The following REPS2 variants were observed in gnomAD, a reference collection of about 807,000 sequenced individuals.
REPS2 encodes RALBP1 associated Eps domain containing 2.
Under a neutral mutation model 53.6 loss-of-function variants are expected in REPS2, and 23 were observed. The ratio of observed to expected loss-of-function variants is 0.43; its 90% CI spans 0.31 to 0.61. The LOEUF (loss-of-function observed/expected upper bound fraction) is 0.61, where lower values mean the gene tolerates loss of function less well. REPS2 is among the 20% of genes least tolerant of loss of function. REPS2 has a pLI of 0.11. For synonymous variants in REPS2, 238 were observed against 218.6 expected, an observed-to-expected ratio of 1.09 and a Z score of -0.78; for missense variants, 446 against 534.9, an observed-to-expected ratio of 0.83 and a Z score of 1.64.
rs1298254729 is a variant in REPS2 at position 17,047,246 on chromosome X, A to C, written c.772-101A>C. 4 of 944,652 alleles carry C rather than the reference A, an allele frequency of 4.2e-6. No homozygotes were observed. In the East Asian group the frequency reaches 1.3e-4, roughly 30 times the overall value. The allele number at this position is 944,652 out of a possible 1,213,427, so 77.8% of individuals were successfully genotyped here. A position where few individuals can be genotyped will look rare whatever the true frequency, so the allele number is the denominator to read the frequency against. On this transcript the variant is annotated intron_variant, in intron 5 of 17. Coordinates refer to ENST00000357277, the MANE Select transcript of REPS2 (RefSeq NM_004726.3). Reference sequence around the variant, plus strand: ...TTAAATTTCTTCACCTGAGGAAAAAAATTAAGCATAACACATGATAACTTT... The same window carrying C: ...TTAAATTTCTTCACCTGAGGAAAAACATTAAGCATAACACATGATAACTTT...
At chrX:17,062,294 C>A in intron 8 of REPS2, 144 bp from the exon 9 acceptor site, 1 of 436,527 alleles carries the variant, frequency 2.3e-6, no homozygotes. Context: ...AAAGTACTAC[C>A]TCAGCATGAT....
At chrX:17,019,319 T>A (rs1333515073) in intron 2 of REPS2, among the ~76,000 whole-genome samples, 4 of 112,302 alleles carry the variant, frequency 3.6e-5, no homozygotes, top group Non-Finnish European at 7.5e-5. Context: ...TCATCTTGGA[T>A]GGCCACTCTC....
chrX:17,041,080 C>T (rs745666238), intron 5 of REPS2, among the ~76,000 whole-genome samples: 8 of 111,831 alleles, frequency 7.2e-5, no homozygotes, highest in Non-Finnish European at 1.3e-4. Context: ...CTGTCCTCAG[C>T]ATGGTGATTC....
At chrX:16,971,452 A>C (rs912631976) in intron 1 of REPS2, among the ~76,000 whole-genome samples, 1 of 111,740 alleles carries the variant, frequency 8.9e-6, no homozygotes, top group Non-Finnish European at 1.9e-5. Context: ...GATTTGCAAA[A>C]ATTTTCTTCC....
At chrX:17,172,865 T>G in the REPS2 span, among the ~76,000 whole-genome samples, 1 of 111,155 alleles carries the variant, frequency 9.0e-6, no homozygotes, top group South Asian at 3.8e-4. Flanking sequence ...TTCATTGTTT[T>G]CTAATATTAA....
At chrX:16,985,384 A>C in intron 1 of REPS2, among the ~76,000 whole-genome samples, 2 of 111,731 alleles carry the variant, frequency 1.8e-5, no homozygotes, top group Admixed American at 1.9e-4. Context: ...TGCTTCCTTC[A>C]ACTATTTTCC....
intron 14 of REPS2, among the ~76,000 whole-genome samples, chrX:17,118,528 A>G (rs746670587): frequency 7.1e-5 from 8 of 112,104 alleles, no homozygotes; most frequent in African/African-American, 9.7e-5. Flanking sequence ...AGCAGAAGTT[A>G]ACTACTTGGG....
chrX:17,011,009 G>A (rs952490321), intron 2 of REPS2, among the ~76,000 whole-genome samples: 2 of 111,588 alleles, frequency 1.8e-5, no homozygotes, highest in African/African-American at 6.5e-5. Context: ...ATGGAGACAT[G>A]TTTAAGAATA....
chrX:17,108,581 G>A (rs1043130701), intron 14 of REPS2, among the ~76,000 whole-genome samples: 5 of 110,115 alleles, frequency 4.5e-5, no homozygotes, highest in Non-Finnish European at 9.5e-5. Context: ...TATGGCAATT[G>A]TGATAGAGCC....
the REPS2 span, among the ~76,000 whole-genome samples, chrX:17,193,609 C>A: frequency 2.7e-5 from 3 of 111,570 alleles, no homozygotes; most frequent in Non-Finnish European, 5.6e-5. Flanking sequence ...TTATGACAGG[C>A]AGAATGTGTC....
At chrX:17,050,209 T>TCTTTCTTTCTTCTTTCTTTCTTTC (rs1462725260) in intron 6 of REPS2, among the ~76,000 whole-genome samples, 1 of 77,989 alleles carries the variant, frequency 1.3e-5, no homozygotes, top group African/African-American at 5.3e-5. Context: ...TTTTTTTTTT[T>TCTTTCTTTCTTCTTTCTTTCTTTC]TGACAGGGTC....
At chrX:17,082,800 A>G (rs949934223) in intron 13 of REPS2, among the ~76,000 whole-genome samples, 3 of 112,706 alleles carry the variant, frequency 2.7e-5, no homozygotes, top group Non-Finnish European at 5.6e-5. Context: ...CAAGGGGAAC[A>G]GTATGACTGA....
At chrX:17,047,764 G>A (rs1278834260) in intron 6 of REPS2, among the ~76,000 whole-genome samples, 3 of 112,773 alleles carry the variant, frequency 2.7e-5, no homozygotes, top group Non-Finnish European at 5.6e-5. Flanking sequence ...CTAGCGTGTC[G>A]CCCCAAGGGG....
chrX:17,042,648 T>G (rs776202918), intron 5 of REPS2, among the ~76,000 whole-genome samples: 2 of 110,431 alleles, frequency 1.8e-5, no homozygotes, highest in African/African-American at 3.3e-5. Context: ...TCACACTACC[T>G]TTTAGTATCT....
chrX:16,972,521 C>T (rs920011696), intron 1 of REPS2, among the ~76,000 whole-genome samples: 4 of 110,747 alleles, frequency 3.6e-5, no homozygotes, highest in Non-Finnish European at 7.6e-5. Context: ...TGCTCTTATC[C>T]TCCTGCTTCC....
intron 14 of REPS2, among the ~76,000 whole-genome samples, chrX:17,114,086 G>A (rs1485682562): frequency 1.8e-5 from 2 of 111,711 alleles, no homozygotes; most frequent in Admixed American, 9.5e-5. Flanking sequence ...TACCACATAA[G>A]TATATGGTAG....
chrX:17,189,299 T>A, the REPS2 span, among the ~76,000 whole-genome samples: 12 of 108,742 alleles, frequency 1.1e-4, no homozygotes, highest in Non-Finnish European at 2.1e-4. Flanking sequence ...TCTTTTTTTT[T>A]TTTTTAGACA....
chrX:16,947,756 A>G (rs535984620), intron 1 of REPS2, among the ~76,000 whole-genome samples: 1 of 112,551 alleles, frequency 8.9e-6, no homozygotes, highest in South Asian at 3.6e-4. Flanking sequence ...AGTCAAAACC[A>G]AATTTCCCAT....
At chrX:17,192,516 T>A in the REPS2 span, among the ~76,000 whole-genome samples, 1 of 111,365 alleles carries the variant, frequency 9.0e-6, no homozygotes, top group East Asian at 2.8e-4. Context: ...TGTCCACAGA[T>A]CCACAGATGA....
Sources: allele counts gnomAD v4.1 joint callset (sites outside exome capture counted in the v4.1 genomes callset), GRCh38; gene constraint gnomAD v4.1.1; transcripts MANE v1.5; gene names NCBI Gene and HGNC (gene_info 2026-07-23, HGNC 2026-07-21).